The following COL14A1 variants were observed in gnomAD, a reference collection of about 807,000 sequenced individuals.
COL14A1 encodes the protein collagen alpha-1(XIV) chain.
In COL14A1, 136 loss-of-function variants were observed where a neutral mutation model predicts 230.3. That is an observed-to-expected ratio of 0.59 (90% CI 0.51 to 0.68). COL14A1 has a LOEUF of 0.68. Among genes scored for constraint, COL14A1 ranks in the 30% least tolerant of loss-of-function variants. The probability of loss-of-function intolerance (pLI) is 0.00; values close to 1 mark genes in which losing one functional copy is unlikely to be tolerated. For synonymous variants in COL14A1, 792 were observed against 784.1 expected (o/e 1.01, Z -0.17); for missense variants, 1,976 against 2,215.8 (o/e 0.89, Z 2.17).
intron 47 of COL14A1, chr8:120,370,929 G>T: frequency 8.5e-7 from 1 of 1,175,040 alleles, no homozygotes. Context: ...GGTTGGTTAT[G>T]ATTCTAGTTT....
intron 1 of COL14A1, among the ~76,000 whole-genome samples, chr8:120,130,161 C>G (rs573291492): frequency 5.3e-5 from 8 of 152,216 alleles, no homozygotes; most frequent in Non-Finnish European, 1.2e-4. Context: ...GTTCACCAAG[C>G]ACACTGTTAG....
chr8:120,205,193 C>G (rs1252805836), intron 9 of COL14A1, among the ~76,000 whole-genome samples: 2 of 152,072 alleles, frequency 1.3e-5, no homozygotes, highest in Admixed American at 6.6e-5. Flanking sequence ...ATTTCCTGGT[C>G]CTTTGCTAGA....
intron 36 of COL14A1, among the ~76,000 whole-genome samples, chr8:120,306,408 T>G (rs1305845040): frequency 6.6e-6 from 1 of 152,190 alleles, no homozygotes; most frequent in Non-Finnish European, 1.5e-5. Context: ...AAATTTATAT[T>G]TCAAAAATTT....
chr8:120,143,467 A>G (rs1395668758), intron 1 of COL14A1, among the ~76,000 whole-genome samples: 2 of 152,054 alleles, frequency 1.3e-5, no homozygotes, highest in Non-Finnish European at 2.9e-5. Flanking sequence ...AAAAAATATA[A>G]TACAAAACAA....
chr8:120,309,462 A>C (rs147285145), intron 36 of COL14A1, among the ~76,000 whole-genome samples: 23 of 152,270 alleles, frequency 1.5e-4, no homozygotes, highest in African/African-American at 5.1e-4. Context: ...GTTTGTAGAT[A>C]TATATCTATA....
At chr8:120,318,044 T>C (rs1199192878) in intron 40 of COL14A1, among the ~76,000 whole-genome samples, 2 of 152,134 alleles carry the variant, frequency 1.3e-5, no homozygotes, top group Admixed American at 6.6e-5. Context: ...CTAGAAGAGA[T>C]ATTTGAAGGC....
Position 120,203,642 on chromosome 8 carries a change from C to A in COL14A1, c.878-67C>A, listed in dbSNP as rs923996168. 10 of 1,507,666 alleles carry A rather than the reference C, an allele frequency of 6.6e-6. No individual in the cohort carries two copies. In the African/African-American group the frequency reaches 1.1e-4, roughly 17 times the overall value. The allele number at this position is 1,507,666 out of a possible 1,614,324, so 93.4% of individuals were successfully genotyped here. A position where few individuals can be genotyped will look rare whatever the true frequency, so the allele number is the denominator to read the frequency against. On this transcript the variant is annotated intron_variant, in intron 8 of 47. Coordinates refer to ENST00000297848, the MANE Select transcript of COL14A1 (RefSeq NM_021110.4). ...GATTGACTGACTGGGTCAGATCAGG[C>A]CCACCGCAGTCACTCTTTCCAAGGG... is the stretch of plus-strand genomic sequence containing the variant.
intron 1 of COL14A1, among the ~76,000 whole-genome samples, chr8:120,137,886 G>C (rs1814765042): frequency 6.6e-6 from 1 of 151,870 alleles, no homozygotes; most frequent in African/African-American, 2.4e-5. Flanking sequence ...GGGATTATGG[G>C]TGTGAGTCAC....
At chr8:120,206,200 A>C (rs1817424427) in intron 9 of COL14A1, among the ~76,000 whole-genome samples, 2 of 152,236 alleles carry the variant, frequency 1.3e-5, no homozygotes, top group South Asian at 2.1e-4. Flanking sequence ...GACCTTGGTC[A>C]GGTTAGCTAA....
chr8:120,272,363 G>T (rs1158524636), intron 26 of COL14A1, among the ~76,000 whole-genome samples: 1 of 151,602 alleles, frequency 6.6e-6, no homozygotes, highest in Non-Finnish European at 1.5e-5. Context: ...AAAACTCATA[G>T]GGCCTATAAA....
At chr8:120,342,817 C>A (rs1371691614) in intron 44 of COL14A1, among the ~76,000 whole-genome samples, 2 of 152,168 alleles carry the variant, frequency 1.3e-5, no homozygotes, top group Non-Finnish European at 2.9e-5. Context: ...TCAGAAGCTG[C>A]CTCAGAAAGA....
chr8:120,363,252 A>G (rs1823290198), intron 45 of COL14A1, among the ~76,000 whole-genome samples: 1 of 152,252 alleles, frequency 6.6e-6, no homozygotes, highest in Non-Finnish European at 1.5e-5. Flanking sequence ...AACCATAAAA[A>G]GGAATGAGAT....
intron 1 of COL14A1, among the ~76,000 whole-genome samples, chr8:120,133,011 A>G (rs1356427250): frequency 6.6e-6 from 1 of 152,092 alleles, no homozygotes; most frequent in Admixed American, 6.6e-5. Context: ...AGGTCAGGAG[A>G]TCGAGACCAT....
At chr8:120,346,119 T>C (rs904248460) in intron 45 of COL14A1, among the ~76,000 whole-genome samples, 14 of 152,260 alleles carry the variant, frequency 9.2e-5, no homozygotes, top group African/African-American at 3.4e-4. Context: ...TGTCTGCGGC[T>C]CATCTTCCTA....
chr8:120,165,323 G>T (rs1815828570), intron 4 of COL14A1, among the ~76,000 whole-genome samples: 1 of 152,168 alleles, frequency 6.6e-6, no homozygotes, highest in Non-Finnish European at 1.5e-5. Flanking sequence ...TTAGTGCAGG[G>T]ATTTGCATTC....
intron 19 of COL14A1, among the ~76,000 whole-genome samples, chr8:120,238,480 G>A (rs1818517299): frequency 6.6e-6 from 1 of 152,134 alleles, no homozygotes; most frequent in African/African-American, 2.4e-5. Flanking sequence ...AGCATCCCAG[G>A]TTGACTTCAC....
chr8:120,279,859 G>A, intron 28 of COL14A1, 76 bp from the exon 29 acceptor site: 2 of 1,495,868 alleles, frequency 1.3e-6, no homozygotes, highest in Non-Finnish European at 1.8e-6. Context: ...TTAAACAGTT[G>A]GATGTGTCTT....
intron 1 of COL14A1, among the ~76,000 whole-genome samples, chr8:120,131,709 G>A (rs1383116318): frequency 6.6e-6 from 1 of 151,608 alleles, no homozygotes; most frequent in African/African-American, 2.4e-5. Context: ...AAGCTCTTTA[G>A]TTTAATTAGA....
In COL14A1 at chr8:120,282,029, A is replaced by G. The variant is rs1261139575; in HGVS notation, c.3824+970A>G. Among the ~76,000 whole-genome samples, 4 of 152,172 alleles carry G rather than the reference A, an allele frequency of 2.6e-5. No homozygotes were observed. The East Asian group carries it at 7.7e-4, about 29-fold the overall frequency. The stretch of plus-strand genomic sequence containing the variant: ...CATTGTGCAGTTTAGTTACATATGT[A>G]TACATGTGCCATGCTGGTGCGCTGC... On this transcript the variant is annotated intron_variant, in intron 31 of 47. Transcript: ENST00000297848.
Sources: gnomAD v4.1 joint callset for allele counts (sites outside exome capture counted in the v4.1 genomes callset) on GRCh38, gnomAD v4.1.1 for gene constraint, MANE v1.5 for transcripts, NCBI Gene and HGNC (gene_info 2026-07-23, HGNC 2026-07-21) for gene names.